Variants in ASAH2 observed in about 807,000 individuals in gnomAD.
The protein encoded by ASAH2 is N-acylsphingosine amidohydrolase 2, also known as neutral ceramidase.
A neutral mutation model predicts 82.9 loss-of-function variants in ASAH2; 58 were observed. The ratio of observed to expected loss-of-function variants is 0.70; its 90% CI spans 0.57 to 0.87. The LOEUF (loss-of-function observed/expected upper bound fraction) is 0.87, where lower values mean the gene tolerates loss of function less well. Ranked by LOEUF, ASAH2 falls within the 40% of genes least tolerant of loss-of-function variation. The pLI, the probability that ASAH2 is intolerant of heterozygous loss-of-function variation, is 0.00. For synonymous variants in ASAH2, 276 were observed against 289.7 expected, an observed-to-expected ratio of 0.95 and a Z score of 0.48; for missense variants, 779 against 834.0, an observed-to-expected ratio of 0.93 and a Z score of 0.81.
At chr10:50,247,391 T>C (rs1438994174) in intron 2 of ASAH2, among the ~76,000 whole-genome samples, 3 of 151,870 alleles carry the variant, frequency 2.0e-5, no homozygotes, top group African/African-American at 4.8e-5. Flanking sequence ...TCTCAAACTC[T>C]TGACCTCAGG....
chr10:50,235,429 C>T (rs958270637), intron 5 of ASAH2, among the ~76,000 whole-genome samples: 6 of 152,004 alleles, frequency 3.9e-5, no homozygotes, highest in African/African-American at 1.4e-4. Flanking sequence ...AGGAGCACCA[C>T]GGAGGTCTGT....
rs1349483840 is a variant in ASAH2 at position 50,244,127 on chromosome 10, G to GC, written c.361-777dup. On this transcript the variant is annotated intron_variant, in intron 3 of 20. Transcript: ENST00000682911. ...CTGGAGGGAAATTTTATAGGGTCAC[G>GC]CTGGAGCGGGACATATGCAGAACGA... Among the ~76,000 whole-genome samples the GC allele has an allele frequency of 4.6e-5, 7 of 152,344 alleles. No individual in the cohort carries two copies. The South Asian group carries it at 1.5e-3, about 32-fold the overall frequency.
At position 50,218,500 on chromosome 10, in the gene ASAH2, A is replaced by C; in HGVS notation, c.1014+10T>G. 1 of 1,613,712 alleles carries C rather than the reference A, an allele frequency of 6.2e-7. No homozygotes were observed. Among genetic ancestry groups the C allele is most frequent in the South Asian group, 1.1e-5 (1 of 91,074 alleles). ...ATCAAGATGAAGCTTTCAATGATAT[A>C]AATTCTCACCTGTCCAGGTAGATAT... On this transcript the variant is annotated intron_variant, in intron 8 of 20. Coordinates refer to ENST00000682911, the MANE Select transcript of ASAH2 (RefSeq NM_019893.4).
chr10:50,203,901 G>A (rs1170946916), intron 14 of ASAH2, among the ~76,000 whole-genome samples: 3 of 151,908 alleles, frequency 2.0e-5, no homozygotes, highest in Non-Finnish European at 4.4e-5. Context: ...ACTAAAAGAA[G>A]GAAACAGAAT....
In ASAH2 at chr10:50,237,217, G is replaced by A. The variant is rs975912983; in HGVS notation, c.511-1153C>T. ...TGAAGAATTCAGTGTGCCTTGAAAC[G>A]AACTCTTAGACTTGTTGGTCTAGAG... On this transcript the variant is annotated intron_variant, in intron 4 of 20. Coordinates refer to ENST00000682911, the MANE Select transcript of ASAH2 (RefSeq NM_019893.4). Among the ~76,000 whole-genome samples, 51 of 152,140 alleles carry A rather than the reference G, an allele frequency of 3.4e-4. 1 individual carries two copies. Among genetic ancestry groups the A allele is most frequent in the Admixed American group, 2.0e-4 (3 of 15,258 alleles).
intron 16 of ASAH2, among the ~76,000 whole-genome samples, chr10:50,200,700 A>G (rs1845123894): frequency 6.6e-6 from 1 of 152,024 alleles, no homozygotes; most frequent in Admixed American, 6.6e-5. Context: ...GATTCTTTTC[A>G]TCATTATGCC....
chr10:50,221,837 C>T (rs951069339), intron 7 of ASAH2, among the ~76,000 whole-genome samples: 28 of 152,164 alleles, frequency 1.8e-4, no homozygotes, highest in African/African-American at 6.8e-4. Context: ...TTAACTTTGA[C>T]TCTGTGCCAG....
chr10:50,211,045 G>A lies in ASAH2; in HGVS notation c.1317C>T (p.Leu439=). 1 of 1,613,660 alleles carries A rather than the reference G, an allele frequency of 6.2e-7. No homozygotes were observed. The highest frequency in any genetic ancestry group is 8.5e-7 in the Non-Finnish European group (1 of 1,179,666). ...WVDMTDVTVW[L]NSTHASKTCK... Reference sequence around the variant, plus strand: ...CAGCACTTACTGCATGTGTGGAATTGAGCCAGACAGTCACATCTGTCATAT... The same window carrying A: ...CAGCACTTACTGCATGTGTGGAATTAAGCCAGACAGTCACATCTGTCATAT... The change falls in exon 11 of 21, where the codon CTC becomes CTT. Residue 439 remains leucine (L), a synonymous_variant. Transcript: ENST00000682911.
At position 50,245,300 on chromosome 10, in the gene ASAH2, A is replaced by G; in HGVS notation, c.282T>C (p.Pro94=). Residue 94 remains proline, a synonymous_variant, in exon 3 of 21, where the codon CCT becomes CCC. Transcript: ENST00000682911. ...GGTAGCCACTGAAGTTCTGAAATAG[A>G]GGAGACTCTGGGGTTAAAGGCACTG... ...TSPVPLTPES[P]LFQNFSGYHI... is the part of the protein sequence containing the mutation. The G allele has an allele frequency of 6.2e-7, 1 of 1,614,092 alleles. No individual in the cohort carries two copies. Among genetic ancestry groups the G allele is most frequent in the Non-Finnish European group, 8.5e-7 (1 of 1,180,008 alleles).
intron 16 of ASAH2, among the ~76,000 whole-genome samples, chr10:50,200,593 C>T (rs1201940573): frequency 1.3e-5 from 2 of 152,138 alleles, no homozygotes; most frequent in Admixed American, 1.3e-4. Flanking sequence ...ATTTTTATAA[C>T]ACCTTGTGCA....
At chr10:50,236,988 C>T (rs967902494) in intron 4 of ASAH2, among the ~76,000 whole-genome samples, 19 of 152,072 alleles carry the variant, frequency 1.2e-4, no homozygotes, top group Admixed American at 1.2e-3. Context: ...GTGATAGATG[C>T]TATGAAGAAA....
chr10:50,207,443 A>G (rs972776042), intron 12 of ASAH2, among the ~76,000 whole-genome samples: 23 of 151,882 alleles, frequency 1.5e-4, no homozygotes, highest in Non-Finnish European at 2.8e-4. Context: ...TTGACCAAGA[A>G]AAACAGAGAG....
intron 4 of ASAH2, among the ~76,000 whole-genome samples, chr10:50,242,065 G>A (rs1846312527): frequency 6.6e-6 from 1 of 152,076 alleles, no homozygotes; most frequent in Non-Finnish European, 1.5e-5. Context: ...TGTGGACTCT[G>A]GGATTAACCA....
intron 16 of ASAH2, among the ~76,000 whole-genome samples, chr10:50,202,133 T>C (rs1423574285): frequency 1.3e-5 from 2 of 152,050 alleles, no homozygotes; most frequent in African/African-American, 4.8e-5. Flanking sequence ...CAACAGAGGG[T>C]AGCAGGGCAG....
intron 16 of ASAH2, among the ~76,000 whole-genome samples, chr10:50,199,962 G>A (rs1173668140): frequency 6.0e-5 from 9 of 150,988 alleles, no homozygotes; most frequent in Non-Finnish European, 1.0e-4. Flanking sequence ...TACACGTGCA[G>A]GTTTGTTATA....
In ASAH2 at chr10:50,228,164, T is replaced by A. The variant is rs963794664; in HGVS notation, c.893+5020A>T. On this transcript the variant is annotated intron_variant, in intron 7 of 20. Coordinates refer to ENST00000682911, the MANE Select transcript of ASAH2 (RefSeq NM_019893.4). ...CATAGCAAGACCCTGTCTCTATTTATTTTTTAAATAAAAGCAATAAATAAA... is the reference window on the plus strand; with the variant it reads ...CATAGCAAGACCCTGTCTCTATTTAATTTTTAAATAAAAGCAATAAATAAA... 6.6e-5 allele frequency among the ~76,000 whole-genome samples: 10 copies of A among 152,254 alleles called. No homozygotes were observed. The East Asian group carries it at 1.2e-3, about 18-fold the overall frequency.
chr10:50,237,444 C>T (rs4935128), intron 4 of ASAH2, among the ~76,000 whole-genome samples: 51,412 of 152,120 alleles, frequency 0.34, 10,630 homozygotes, highest in Non-Finnish European at 0.45. Context: ...GAAGTGATTA[C>T]ATATGACTTG....
At chr10:50,245,008 A>G (rs1846408649) in intron 3 of ASAH2, among the ~76,000 whole-genome samples, 1 of 152,190 alleles carries the variant, frequency 6.6e-6, no homozygotes, top group African/African-American at 2.4e-5. Context: ...TCATGAAAAA[A>G]AAAGGCCAAT....
At chr10:50,203,158 C>G (rs1845201178) in intron 15 of ASAH2, among the ~76,000 whole-genome samples, 1 of 151,918 alleles carries the variant, frequency 6.6e-6, no homozygotes, top group Non-Finnish European at 1.5e-5. Flanking sequence ...TTTAAAAAAT[C>G]AACTTATTAC....
Sources: allele counts gnomAD v4.1 joint callset (sites outside exome capture counted in the v4.1 genomes callset), GRCh38; gene constraint gnomAD v4.1.1; transcripts MANE v1.5; gene names NCBI Gene and HGNC (gene_info 2026-07-23, HGNC 2026-07-21).